UHRF2: variants seen among roughly 807,000 people sequenced by gnomAD.
UHRF2 encodes ubiquitin like with PHD and ring finger domains 2.
A neutral mutation model predicts 96.8 loss-of-function variants in UHRF2; 23 were observed. The observed-to-expected ratio is 0.24, with a 90% CI of 0.17 to 0.34. The LOEUF (loss-of-function observed/expected upper bound fraction) is 0.34. Ranked by LOEUF, UHRF2 falls within the 10% of genes least tolerant of loss-of-function variation. The probability of loss-of-function intolerance (pLI) is 1.00; values close to 1 mark genes in which losing one functional copy is unlikely to be tolerated. For synonymous variants in UHRF2, 385 were observed against 332.6 expected, an observed-to-expected ratio of 1.16 and a Z score of -1.72; for missense variants, 685 against 981.5, an observed-to-expected ratio of 0.70 and a Z score of 4.04.
chr9:6,436,276 G>T (rs1399753857), intron 3 of UHRF2, among the ~76,000 whole-genome samples: 2 of 152,108 alleles, frequency 1.3e-5, no homozygotes, highest in African/African-American at 4.8e-5. Flanking sequence ...TACTTATTGT[G>T]GTTGTGGCTA....
At chr9:6,436,284 C>T (rs1398316532) in intron 3 of UHRF2, among the ~76,000 whole-genome samples, 1 of 152,092 alleles carries the variant, frequency 6.6e-6, no homozygotes, top group Non-Finnish European at 1.5e-5. Context: ...GTGGTTGTGG[C>T]TAAGCGGCCA....
chr9:6,431,389 T>C (rs1820553977), intron 2 of UHRF2, among the ~76,000 whole-genome samples: 1 of 152,066 alleles, frequency 6.6e-6, no homozygotes, highest in African/African-American at 2.4e-5. Context: ...AAGAGGATTG[T>C]TTGAGGCCAG....
intron 4 of UHRF2, among the ~76,000 whole-genome samples, chr9:6,474,522 A>G (rs544511696): frequency 1.8e-3 from 271 of 152,296 alleles, no homozygotes; most frequent in Non-Finnish European, 3.4e-3. Context: ...CCCAGCCAAC[A>G]TGGTGAAACC....
In UHRF2 at chr9:6,437,743, A is replaced by G. The variant is rs372454414; in HGVS notation, c.644+3570A>G. 2.0e-4 allele frequency among the ~76,000 whole-genome samples: 31 copies of G among 151,984 alleles called. No homozygotes were observed. The South Asian group carries it at 6.2e-3, about 31-fold the overall frequency. On this transcript the variant is annotated intron_variant, in intron 3 of 15. Coordinates refer to ENST00000276893, the MANE Select transcript of UHRF2 (RefSeq NM_152896.3). ...AGTAATTCTCGTGCCTCAGCCTCCC[A>G]AGAAGCTAGGATTATAGGCATGCAC... is the stretch of plus-strand genomic sequence containing the variant.
intron 2 of UHRF2, 101 bp from the exon 3 acceptor site, chr9:6,433,813 A>T: frequency 8.1e-7 from 1 of 1,236,198 alleles, no homozygotes; most frequent in Non-Finnish European, 1.1e-6. Context: ...AGCTGCAAAT[A>T]TTGTTTACCA....
At chr9:6,493,143 C>G (rs1330676448) in intron 9 of UHRF2, among the ~76,000 whole-genome samples, 1 of 151,986 alleles carries the variant, frequency 6.6e-6, no homozygotes, top group Non-Finnish European at 1.5e-5. Context: ...ACTAAAAATA[C>G]AAAAGCTAGA....
chr9:6,501,421 A>G (rs949678456), intron 14 of UHRF2, among the ~76,000 whole-genome samples: 4 of 152,102 alleles, frequency 2.6e-5, no homozygotes, highest in Admixed American at 6.5e-5. Flanking sequence ...CTTTCTCTCC[A>G]AAGTGTTGAT....
rs891375976 is a variant in UHRF2, at chr9:6,445,336, C to A, written c.644+11163C>A. ...TGGAGTGCAGTGGTATCATGTTGAC[C>A]CACTGCAACCTCCACCTCCCAGGTT... On this transcript the variant is annotated intron_variant, in intron 3 of 15. Transcript: ENST00000276893. 2.6e-5 allele frequency among the ~76,000 whole-genome samples: 4 copies of A among 151,456 alleles called. No individual in the cohort carries two copies. In the East Asian group the frequency reaches 7.8e-4, roughly 29 times the overall value.
At chr9:6,491,654 C>G (rs749627759) in intron 9 of UHRF2, among the ~76,000 whole-genome samples, 5 of 152,154 alleles carry the variant, frequency 3.3e-5, no homozygotes, top group African/African-American at 9.7e-5. Context: ...ATGTGAGCAT[C>G]CAGCTTGTTG....
intron 8 of UHRF2, among the ~76,000 whole-genome samples, chr9:6,484,185 C>T (rs1312311423): frequency 6.6e-6 from 1 of 151,882 alleles, no homozygotes; most frequent in African/African-American, 2.4e-5. Context: ...ATCATTCCAC[C>T]TAGCTAGGAC....
intron 7 of UHRF2, 94 bp downstream of exon 7, chr9:6,481,860 T>C: frequency 6.5e-7 from 1 of 1,541,100 alleles, no homozygotes; most frequent in South Asian, 1.2e-5. Flanking sequence ...GATTAAACAG[T>C]ATCATTATTT....
At chr9:6,499,761 TCAC>T (rs1400557643) in intron 12 of UHRF2, 71 bp from the exon 13 acceptor site, 2 of 951,374 alleles carry the variant, frequency 2.1e-6, no homozygotes, top group Non-Finnish European at 3.1e-6. Flanking sequence ...TTTTAATTTC[TCAC>T]CAGGATCTAA....
intron 3 of UHRF2, among the ~76,000 whole-genome samples, chr9:6,450,645 T>C (rs1437018689): frequency 2.6e-5 from 4 of 152,206 alleles, no homozygotes; most frequent in Admixed American, 1.3e-4. Context: ...ACCGGTGAGA[T>C]TGATACTTTT....
intron 1 of UHRF2, among the ~76,000 whole-genome samples, chr9:6,417,860 G>A (rs1176620263): frequency 6.6e-6 from 1 of 152,148 alleles, no homozygotes; most frequent in Non-Finnish European, 1.5e-5. Context: ...CCGTCATTTA[G>A]TAGAAACTAA....
intron 3 of UHRF2, among the ~76,000 whole-genome samples, chr9:6,434,915 C>T (rs1820752710): frequency 6.6e-6 from 1 of 152,026 alleles, no homozygotes; most frequent in Non-Finnish European, 1.5e-5. Flanking sequence ...GCTGCAATCT[C>T]CGCCTCCTGG....
intron 14 of UHRF2, among the ~76,000 whole-genome samples, chr9:6,504,184 C>T (rs997622849): frequency 6.6e-6 from 1 of 151,816 alleles, no homozygotes; most frequent in Admixed American, 6.6e-5. Context: ...CGCCGCCACG[C>T]CCAGATAATT....
chr9:6,442,087 G>A (rs1191242586), intron 3 of UHRF2, among the ~76,000 whole-genome samples: 2 of 152,072 alleles, frequency 1.3e-5, no homozygotes, highest in African/African-American at 4.8e-5. Context: ...GCCTTAGCCT[G>A]TCGAGTAGCT....
rs1360628938 is a variant in UHRF2 at position 6,457,131 on chromosome 9, A to G, written c.645-3442A>G. On this transcript the variant is annotated intron_variant, in intron 3 of 15. Coordinates refer to ENST00000276893, the MANE Select transcript of UHRF2 (RefSeq NM_152896.3). ...GCATTTTCACAATACTGATTCTTCTATCCATGAGCATGGAATGTTGTTCCA... is the reference window on the plus strand; with the variant it reads ...GCATTTTCACAATACTGATTCTTCTGTCCATGAGCATGGAATGTTGTTCCA... Among the ~76,000 whole-genome samples the G allele has an allele frequency of 4.6e-5, 7 of 152,134 alleles. No individual in the cohort carries two copies. In the South Asian group the frequency reaches 1.0e-3, roughly 23 times the overall value.
At chr9:6,499,806 T>C (rs768937052) in intron 12 of UHRF2, 29 bp from the exon 13 acceptor site, 19 of 1,424,042 alleles carry the variant, frequency 1.3e-5, no homozygotes, top group Non-Finnish European at 1.7e-5. Context: ...TAAATCTGCA[T>C]TGTACTCTCC....
Sources: gnomAD v4.1 joint callset for allele counts (sites outside exome capture counted in the v4.1 genomes callset) on GRCh38, gnomAD v4.1.1 for gene constraint, MANE v1.5 for transcripts, NCBI Gene and HGNC (gene_info 2026-07-23, HGNC 2026-07-21) for gene names.